The following STXBP5L variants were observed in gnomAD, a reference collection of about 807,000 sequenced individuals.
STXBP5L encodes syntaxin-binding protein 5-like.
STXBP5L carries 65 observed loss-of-function variants against 144.5 expected under a neutral mutation model. The observed-to-expected ratio is 0.45, with a 90% CI of 0.37 to 0.55. STXBP5L has a LOEUF of 0.55. STXBP5L is among the 20% of genes least tolerant of loss of function. The pLI is 0.00. For missense variants in STXBP5L, 1,298 were observed against 1,405.5 expected (o/e 0.92, Z 1.22); for synonymous variants, 505 against 469.6 (o/e 1.08, Z -0.97).
Position 121,098,342 on chromosome 3 carries a change from G to A in STXBP5L, c.471-16583G>A, listed in dbSNP as rs11715846. Among the ~76,000 whole-genome samples, 1,289 of 152,260 alleles carry A rather than the reference G, an allele frequency of 8.5e-3. 33 individuals are homozygous for A. The East Asian group carries it at 0.099, about 12-fold the overall frequency. On this transcript the variant is annotated intron_variant, in intron 5 of 26. Coordinates refer to ENST00000471454, the MANE Select transcript of STXBP5L (RefSeq NM_001308330.2). The stretch of plus-strand genomic sequence containing the variant: ...GGAGGAGCAGAGTATCATGTGGTTA[G>A]ACAGGGAGCAAGAGAGAGAGGCAGG...
chr3:121,054,974 G>T (rs1343978377), intron 5 of STXBP5L, among the ~76,000 whole-genome samples: 1 of 152,152 alleles, frequency 6.6e-6, no homozygotes, highest in East Asian at 1.9e-4. Flanking sequence ...TGGACTTTTT[G>T]GGAGGAAGAA....
At chr3:121,304,090 A>G (rs1472871370) in intron 19 of STXBP5L, among the ~76,000 whole-genome samples, 1 of 152,158 alleles carries the variant, frequency 6.6e-6, no homozygotes, top group Admixed American at 6.6e-5. Flanking sequence ...ACTATCCCCA[A>G]AAAAGCTGAT....
At chr3:121,280,082 A>T in intron 19 of STXBP5L, 126 bp downstream of exon 19, 2 of 1,138,018 alleles carry the variant, frequency 1.8e-6, no homozygotes, top group Non-Finnish European at 2.4e-6. Context: ...CATAATTTAC[A>T]AAATCATGTA....
chr3:121,407,540 T>C lies in STXBP5L; in HGVS notation c.2885T>C (p.Val962Ala), dbSNP rs2047021064. 1.2e-6 allele frequency: 2 copies of C among 1,613,416 alleles called. No homozygotes were observed. The highest frequency in any genetic ancestry group is 2.2e-5 in the East Asian group (1 of 44,854). The change falls in exon 23 of 27, where the codon GTG becomes GCG. Residue 962 changes from valine to alanine, a missense_variant. Transcript: ENST00000471454. ...ETSFILQANV[V>A]VMCSSACLAC... Reference sequence around the variant, plus strand: ...TCTTTTATACTGCAAGCAAATGTGGTGGTCATGTGTAGCAGTGCCTGCTTG... The same window carrying C: ...TCTTTTATACTGCAAGCAAATGTGGCGGTCATGTGTAGCAGTGCCTGCTTG...
chr3:121,208,134 C>T (rs1262041844), intron 10 of STXBP5L, among the ~76,000 whole-genome samples: 4 of 152,224 alleles, frequency 2.6e-5, no homozygotes, highest in Non-Finnish European at 4.4e-5. Flanking sequence ...ACATATACAC[C>T]ATGGAATACT....
At position 121,381,400 on chromosome 3, in the gene STXBP5L, C is replaced by T. The variant is rs371034291; in HGVS notation, c.2455C>T (p.Arg819Trp). Residue 819 changes from arginine to tryptophan, a missense_variant, in exon 22 of 27, where the codon CGG becomes TGG. By Grantham distance (101) the Arg-to-Trp change is moderately radical (BLOSUM62 -3). Coordinates refer to ENST00000471454, the MANE Select transcript of STXBP5L (RefSeq NM_001308330.2). The part of the protein sequence containing the change: ...TALYFMDSFA[R>W]KNDSTISPCL... ...ACTATACTTCATGGACTCCTTTGCACGGAAAAATGACTCTACCATCTCTCC... is the reference window on the plus strand; with the variant it reads ...ACTATACTTCATGGACTCCTTTGCATGGAAAAATGACTCTACCATCTCTCC... 161 of 1,610,452 alleles carry T rather than the reference C, an allele frequency of 1.0e-4. 1 individual carries two copies. The highest frequency in any genetic ancestry group is 1.9e-4 in the African/African-American group (14 of 74,682).
rs1230145738 is a variant in STXBP5L at position 121,313,881 on chromosome 3, G to A, written c.2111-4594G>A. Among the ~76,000 whole-genome samples the A allele has an allele frequency of 1.3e-4, 19 of 142,900 alleles. No homozygotes were observed. In the South Asian group the frequency reaches 1.4e-3, roughly 11 times the overall value. The allele number at this position is 142,900 out of a possible 152,430, so 93.7% of individuals were successfully genotyped here. ...CAGAGGGTTTCCTCACTTCTCAGAC[G>A]GAGCGGCCGGGCAGAGACGCTCCTC... On this transcript the variant is annotated intron_variant, in intron 19 of 26. Coordinates refer to ENST00000471454, the MANE Select transcript of STXBP5L (RefSeq NM_001308330.2).
intron 10 of STXBP5L, among the ~76,000 whole-genome samples, chr3:121,212,931 T>A (rs996404516): frequency 2.0e-5 from 3 of 152,194 alleles, no homozygotes; most frequent in Admixed American, 6.5e-5. Flanking sequence ...GTCCTTCATG[T>A]CCCTTGTAAA....
chr3:120,987,294 G>A (rs1942378740), intron 3 of STXBP5L, among the ~76,000 whole-genome samples: 2 of 151,924 alleles, frequency 1.3e-5, no homozygotes, highest in African/African-American at 2.4e-5. Context: ...TGTATTATCA[G>A]TATTTTTAAG....
chr3:120,974,136 G>A (rs1039548449), intron 3 of STXBP5L, among the ~76,000 whole-genome samples: 28 of 152,082 alleles, frequency 1.8e-4, no homozygotes, highest in African/African-American at 6.5e-4. Context: ...CACAATGGTT[G>A]AACTAGTTTA....
chr3:121,303,016 C>G (rs2051985222), intron 19 of STXBP5L, among the ~76,000 whole-genome samples: 1 of 152,058 alleles, frequency 6.6e-6, no homozygotes, highest in Non-Finnish European at 1.5e-5. Flanking sequence ...GCAACAAAAG[C>G]CAAAATTGAT....
At chr3:121,042,186 A>G (rs1947204830) in intron 4 of STXBP5L, among the ~76,000 whole-genome samples, 1 of 152,036 alleles carries the variant, frequency 6.6e-6, no homozygotes, top group Non-Finnish European at 1.5e-5. Context: ...TTATATACGT[A>G]TGGGCCCTTT....
At chr3:121,053,061 G>T (rs951586731) in intron 5 of STXBP5L, among the ~76,000 whole-genome samples, 2 of 152,146 alleles carry the variant, frequency 1.3e-5, no homozygotes, top group East Asian at 1.9e-4. Flanking sequence ...CCTCTTCAAG[G>T]AGAACTACAA....
intron 2 of STXBP5L, among the ~76,000 whole-genome samples, chr3:120,950,105 C>CT (rs1253080278): frequency 1.3e-5 from 2 of 152,034 alleles, no homozygotes; most frequent in East Asian, 3.9e-4. Flanking sequence ...ATTGAAGTCA[C>CT]TAAGATTTAA....
chr3:120,979,688 T>C (rs1177364960), intron 3 of STXBP5L, among the ~76,000 whole-genome samples: 1 of 152,218 alleles, frequency 6.6e-6, no homozygotes, highest in Non-Finnish European at 1.5e-5. Context: ...TTGGCCATCT[T>C]GACTGCCAGC....
intron 10 of STXBP5L, among the ~76,000 whole-genome samples, chr3:121,206,455 T>G (rs1194467708): frequency 6.6e-6 from 1 of 152,096 alleles, no homozygotes; most frequent in Non-Finnish European, 1.5e-5. Context: ...AGTACTAAAT[T>G]TTAAGGTGTT....
chr3:121,386,559 C>T (rs2046429913), intron 22 of STXBP5L, among the ~76,000 whole-genome samples: 1 of 152,080 alleles, frequency 6.6e-6, no homozygotes, highest in Non-Finnish European at 1.5e-5. Context: ...CCCAGGTCCC[C>T]ACCCCCCGAC....
intron 19 of STXBP5L, among the ~76,000 whole-genome samples, chr3:121,298,633 C>T (rs2051758210): frequency 6.6e-6 from 1 of 152,086 alleles, no homozygotes; most frequent in Non-Finnish European, 1.5e-5. Context: ...CAGGACATTA[C>T]ACTAGATGAA....
intron 9 of STXBP5L, among the ~76,000 whole-genome samples, chr3:121,189,673 T>C (rs988014943): frequency 6.6e-6 from 1 of 152,212 alleles, no homozygotes; most frequent in African/African-American, 2.4e-5. Context: ...CCAGCTTTTT[T>C]CTTTTGACTT....
Sources: gnomAD v4.1 joint callset for allele counts (sites outside exome capture counted in the v4.1 genomes callset) on GRCh38, gnomAD v4.1.1 for gene constraint, MANE v1.5 for transcripts, NCBI Gene and HGNC (gene_info 2026-07-23, HGNC 2026-07-21) for gene names.